The following NRXN3 variants were observed in gnomAD, a reference collection of about 807,000 sequenced individuals.
The protein encoded by NRXN3 is neurexin 3.
In NRXN3, 32 loss-of-function variants were observed where a neutral mutation model predicts 137.6. The ratio of observed to expected loss-of-function variants is 0.23; its 90% confidence interval spans 0.18 to 0.31. NRXN3 has a LOEUF of 0.31. Ranked by LOEUF, NRXN3 falls within the 10% of genes least tolerant of loss-of-function variation. The pLI is 1.00. For missense variants in NRXN3, 1,574 were observed against 2,062.5 expected, an observed-to-expected ratio of 0.76 and a Z score of 4.59; for synonymous variants, 798 against 784.5, an observed-to-expected ratio of 1.02 and a Z score of -0.29.
At chr14:78,399,030 G>C (rs951553435) in intron 4 of NRXN3, among the ~76,000 whole-genome samples, 1 of 152,182 alleles carries the variant, frequency 6.6e-6, no homozygotes, top group East Asian at 1.9e-4. Context: ...CTTTGTGAAA[G>C]TTTTTTGTCT....
intron 16 of NRXN3, among the ~76,000 whole-genome samples, chr14:79,622,536 G>C (rs2098235434): frequency 6.6e-6 from 1 of 152,084 alleles, no homozygotes; most frequent in African/African-American, 2.4e-5. Context: ...CACAGGATCT[G>C]GGATTTAGTG....
chr14:79,456,824 C>T (rs957703811), intron 15 of NRXN3, among the ~76,000 whole-genome samples: 1 of 151,702 alleles, frequency 6.6e-6, no homozygotes, highest in African/African-American at 2.4e-5. Flanking sequence ...GGCACAACTT[C>T]ACAATATAGA....
intron 8 of NRXN3, among the ~76,000 whole-genome samples, chr14:78,769,509 C>A (rs1206685024): frequency 6.6e-6 from 1 of 152,196 alleles, no homozygotes; most frequent in Non-Finnish European, 1.5e-5. Context: ...GTGATTGAGG[C>A]AGAGCAATTT....
At chr14:79,696,596 A>G (rs914067207) in intron 18 of NRXN3, among the ~76,000 whole-genome samples, 7 of 151,976 alleles carry the variant, frequency 4.6e-5, no homozygotes, top group African/African-American at 1.4e-4. Context: ...TGCTTGGGAA[A>G]AAAATCTCAT....
intron 6 of NRXN3, among the ~76,000 whole-genome samples, chr14:78,678,429 A>T (rs930276482): frequency 6.6e-6 from 1 of 151,480 alleles, no homozygotes; most frequent in East Asian, 1.9e-4. Flanking sequence ...AGCTAAAATT[A>T]TCTCCCACCA....
At chr14:79,015,931 G>GC (rs1286075690) in intron 15 of NRXN3, among the ~76,000 whole-genome samples, 1 of 152,052 alleles carries the variant, frequency 6.6e-6, no homozygotes, top group Non-Finnish European at 1.5e-5. Context: ...CATCCTAAAG[G>GC]CCCTCTGCTC....
chr14:78,640,428 C>T (rs2097612432), intron 4 of NRXN3, among the ~76,000 whole-genome samples: 1 of 152,146 alleles, frequency 6.6e-6, no homozygotes, highest in Non-Finnish European at 1.5e-5. Context: ...AGACACCAAG[C>T]CATTAGGAAT....
chr14:78,898,931 T>C (rs2099186814), intron 10 of NRXN3, among the ~76,000 whole-genome samples: 1 of 151,940 alleles, frequency 6.6e-6, no homozygotes, highest in Admixed American at 6.6e-5. Context: ...AGGTTCATAG[T>C]AGCCTCACGC....
At chr14:78,325,716 T>C (rs554910775) in intron 4 of NRXN3, among the ~76,000 whole-genome samples, 1 of 152,200 alleles carries the variant, frequency 6.6e-6, no homozygotes, top group South Asian at 2.1e-4. Flanking sequence ...TTTCCCAAGC[T>C]CTGCTATAGC....
chr14:78,245,630 A>T (rs2153455510), intron 2 of NRXN3, among the ~76,000 whole-genome samples: 1 of 152,324 alleles, frequency 6.6e-6, no homozygotes, highest in African/African-American at 2.4e-5. Flanking sequence ...ATTTAAGAAT[A>T]TTTAAAAAAA....
chr14:79,554,630 T>C (rs549540803), intron 16 of NRXN3, among the ~76,000 whole-genome samples: 1 of 152,208 alleles, frequency 6.6e-6, no homozygotes, highest in South Asian at 2.1e-4. Context: ...GCCATCCTGA[T>C]GAGAAAGTGA....
chr14:78,742,104 A>G (rs1284200153), intron 8 of NRXN3, among the ~76,000 whole-genome samples: 1 of 152,152 alleles, frequency 6.6e-6, no homozygotes, highest in East Asian at 1.9e-4. Flanking sequence ...CTCCCTGAGA[A>G]TTACCTTTCT....
At chr14:79,776,909 C>A (rs1462696658) in intron 19 of NRXN3, among the ~76,000 whole-genome samples, 1 of 152,156 alleles carries the variant, frequency 6.6e-6, no homozygotes, top group African/African-American at 2.4e-5. Flanking sequence ...CTGATTCAAC[C>A]CATGTCAGAG....
chr14:78,922,292 A>G (rs1158378685), intron 10 of NRXN3, among the ~76,000 whole-genome samples: 2 of 152,248 alleles, frequency 1.3e-5, no homozygotes, highest in African/African-American at 4.8e-5. Context: ...AAGATGCTCC[A>G]GTCTGTGGTT....
chr14:79,683,925 T>C (rs892690482), intron 17 of NRXN3, among the ~76,000 whole-genome samples: 3 of 152,166 alleles, frequency 2.0e-5, no homozygotes, highest in Non-Finnish European at 2.9e-5. Context: ...TCTACCGTGT[T>C]TTACTCTGTA....
At chr14:78,303,621 C>T (rs1000664824) in intron 4 of NRXN3, among the ~76,000 whole-genome samples, 1 of 152,112 alleles carries the variant, frequency 6.6e-6, no homozygotes, top group African/African-American at 2.4e-5. Flanking sequence ...CTCTGCCCAC[C>T]TATCACCCCT....
At chr14:78,836,202 G>A (rs1398260404) in intron 10 of NRXN3, among the ~76,000 whole-genome samples, 4 of 152,098 alleles carry the variant, frequency 2.6e-5, no homozygotes, top group Admixed American at 2.6e-4. Context: ...TTAGGAAACA[G>A]GCAAGACACA....
chr14:78,865,754 A>G (rs1216740212), intron 10 of NRXN3, among the ~76,000 whole-genome samples: 1 of 152,182 alleles, frequency 6.6e-6, no homozygotes, highest in East Asian at 1.9e-4. Context: ...TTTTCCAGGC[A>G]TTGTTGTAGA....
At chr14:79,572,310 C>G (rs1218919758) in intron 16 of NRXN3, among the ~76,000 whole-genome samples, 2 of 152,114 alleles carry the variant, frequency 1.3e-5, no homozygotes, top group African/African-American at 4.8e-5. Context: ...TAAGATACCA[C>G]AGTAGTATCT....
Sources: gnomAD v4.1 joint callset for allele counts (sites outside exome capture counted in the v4.1 genomes callset) on GRCh38, gnomAD v4.1.1 for gene constraint, MANE v1.5 for transcripts, NCBI Gene and HGNC (gene_info 2026-07-23, HGNC 2026-07-21) for gene names.